FBN1: variants seen among roughly 807,000 people sequenced by gnomAD.
FBN1 encodes the protein fibrillin 1, also known as fibrillin-1.
A neutral mutation model predicts 365.1 loss-of-function variants in FBN1; 29 were observed. The ratio of observed to expected loss-of-function variants is 0.08; its 90% CI spans 0.06 to 0.11. FBN1 has a LOEUF of 0.11. FBN1 is among the 10% of genes least tolerant of loss of function. The pLI, the probability that FBN1 is intolerant of heterozygous loss-of-function variation, is 1.00. For synonymous variants in FBN1, 1,210 were observed against 1,270.5 expected, an observed-to-expected ratio of 0.95 and a Z score of 1.01; for missense variants, 2,476 against 3,703.2, an observed-to-expected ratio of 0.67 and a Z score of 8.60.
At chr15:48,562,624 C>G (rs1461674536) in intron 6 of FBN1, among the ~76,000 whole-genome samples, 1 of 152,104 alleles carries the variant, frequency 6.6e-6, no homozygotes, top group African/African-American at 2.4e-5. Context: ...ACAAAGATTG[C>G]TATTTTTTAG....
Position 48,504,016 on chromosome 15 carries a change from G to T in FBN1, c.1961-77C>A. 6 of 1,551,438 alleles carry T rather than the reference G, an allele frequency of 3.9e-6. No homozygotes were observed. In the South Asian group the frequency reaches 5.6e-5, roughly 14 times the overall value. Reference sequence around the variant, plus strand: ...ACCCCCCAAGTCAAAGTTGAAGAGGGCTTTATTTATCCATCATCCCTGGTG... The same window carrying T: ...ACCCCCCAAGTCAAAGTTGAAGAGGTCTTTATTTATCCATCATCCCTGGTG... On this transcript the variant is annotated intron_variant, in intron 16 of 65. Coordinates refer to ENST00000316623, the MANE Select transcript of FBN1 (RefSeq NM_000138.5).
chr15:48,446,994 C>T (rs904713354), intron 46 of FBN1, among the ~76,000 whole-genome samples, 172 bp from the exon 47 acceptor site: 6 of 152,232 alleles, frequency 3.9e-5, no homozygotes, highest in Middle Eastern at 3.4e-3. Context: ...TACCAGGCAG[C>T]GGCAAAGCTC....
chr15:48,439,506 T>C (rs905093260), intron 50 of FBN1, among the ~76,000 whole-genome samples: 1 of 152,238 alleles, frequency 6.6e-6, no homozygotes, highest in African/African-American at 2.4e-5. Context: ...ACATATAATG[T>C]TTTGTATTTA....
intron 2 of FBN1, among the ~76,000 whole-genome samples, chr15:48,639,458 T>C (rs1320762806): frequency 6.6e-6 from 1 of 152,244 alleles, no homozygotes; most frequent in Non-Finnish European, 1.5e-5. Flanking sequence ...CCAGGGACGC[T>C]GTCCTTCTGT....
At chr15:48,576,054 A>C (rs1398065358) in intron 6 of FBN1, among the ~76,000 whole-genome samples, 1 of 152,146 alleles carries the variant, frequency 6.6e-6, no homozygotes, top group Non-Finnish European at 1.5e-5. Flanking sequence ...GGTCTCACCT[A>C]CTTGTCTGAA....
intron 6 of FBN1, among the ~76,000 whole-genome samples, chr15:48,584,326 C>T (rs963922934): frequency 1.3e-5 from 2 of 152,088 alleles, no homozygotes; most frequent in African/African-American, 4.8e-5. Context: ...ATCCTCAGAG[C>T]GTGAGTTCGT....
chr15:48,457,119 AT>A, intron 43 of FBN1, among the ~76,000 whole-genome samples: 1 of 152,248 alleles, frequency 6.6e-6, no homozygotes, highest in South Asian at 2.1e-4. Flanking sequence ...GTGTGCCTAT[AT>A]TTAGGGAAAA....
intron 63 of FBN1, among the ~76,000 whole-genome samples, chr15:48,419,646 G>C (rs1386352568): frequency 6.6e-6 from 1 of 152,176 alleles, no homozygotes. Context: ...GTCTTGTGTA[G>C]AATCAAACTA....
intron 6 of FBN1, among the ~76,000 whole-genome samples, chr15:48,557,493 C>G (rs2044190363): frequency 6.6e-6 from 1 of 152,158 alleles, no homozygotes. Flanking sequence ...AGGATGGCGT[C>G]AAGAAAGCCA....
At chr15:48,455,284 G>C (rs542873863) in intron 44 of FBN1, among the ~76,000 whole-genome samples, 1 of 152,220 alleles carries the variant, frequency 6.6e-6, no homozygotes, top group Non-Finnish European at 1.5e-5. Context: ...ACAGTTGCAT[G>C]TGTTTAATCT....
chr15:48,534,214 T>A lies in FBN1; in HGVS notation c.737-9A>T, dbSNP rs1060501020. ...CTGGCATTCATCCACATCTGTCAGA[T>A]TACAGAAGACAGAGAGAAAAAAAAA... On this transcript the variant is annotated splice_polypyrimidine_tract_variant and intron_variant, in intron 7 of 65. Coordinates refer to ENST00000316623, the MANE Select transcript of FBN1 (RefSeq NM_000138.5). 6.2e-7 allele frequency: 1 copy of A among 1,610,120 alleles called. No individual in the cohort carries two copies. The highest frequency in any genetic ancestry group is 1.7e-5 in the Admixed American group (1 of 59,652).
Position 48,412,832 on chromosome 15 carries a change from C to T in FBN1, c.8052-89G>A, listed in dbSNP as rs183377922. ...GAGTTCTGGTGAAGCCTGTTCCTTGCAGTTGTGAGATACAGCCCTTGCTTG... is the reference window on the plus strand; with the variant it reads ...GAGTTCTGGTGAAGCCTGTTCCTTGTAGTTGTGAGATACAGCCCTTGCTTG... On this transcript the variant is annotated intron_variant, in intron 64 of 65. Coordinates refer to ENST00000316623, the MANE Select transcript of FBN1 (RefSeq NM_000138.5). 2.0e-6 allele frequency: 3 copies of T among 1,486,696 alleles called. No individual in the cohort carries two copies. In the East Asian group the frequency reaches 6.8e-5, roughly 34 times the overall value. 92.1% of individuals were successfully genotyped at this position (1,486,696 alleles called of 1,614,324 possible). A position where few individuals can be genotyped will look rare whatever the true frequency, so the allele number is the denominator to read the frequency against.
intron 6 of FBN1, among the ~76,000 whole-genome samples, chr15:48,540,070 G>A (rs1337438599): frequency 6.6e-6 from 1 of 152,014 alleles, no homozygotes; most frequent in African/African-American, 2.4e-5. Flanking sequence ...TAAAATGCAG[G>A]AACTATGTGG....
intron 32 of FBN1, among the ~76,000 whole-genome samples, chr15:48,479,766 A>T (rs990840335): frequency 1.3e-5 from 2 of 152,214 alleles, no homozygotes; most frequent in African/African-American, 2.4e-5. Context: ...TGCAAATTCA[A>T]CTACGAAAAA....
rs116988103 is a variant in FBN1, at chr15:48,551,029, A to C, written c.539-13221T>G. ...AATGACATATCTTTAAGTTAGTCTA[A>C]ATCCTTAATCTTTTGAACTATTCAT... is the stretch of plus-strand genomic sequence containing the variant. On this transcript the variant is annotated intron_variant, in intron 6 of 65. Transcript: ENST00000316623. Among the ~76,000 whole-genome samples, 38 of 152,298 alleles carry C rather than the reference A, an allele frequency of 2.5e-4. No individual in the cohort carries two copies. In the East Asian group the frequency reaches 7.0e-3, roughly 28 times the overall value.
chr15:48,637,384 C>A (rs182300135), intron 2 of FBN1, among the ~76,000 whole-genome samples: 3 of 152,268 alleles, frequency 2.0e-5, no homozygotes, highest in Admixed American at 2.0e-4. Context: ...AGTCCCTCTC[C>A]TTTCCCTAAC....
At chr15:48,499,663 A>G (rs1016933819) in intron 17 of FBN1, among the ~76,000 whole-genome samples, 3 of 152,232 alleles carry the variant, frequency 2.0e-5, no homozygotes, top group African/African-American at 7.2e-5. Context: ...AGTATAAAGA[A>G]TATGTCCCCA....
intron 6 of FBN1, among the ~76,000 whole-genome samples, chr15:48,579,555 T>C (rs1245729534): frequency 6.6e-6 from 1 of 152,204 alleles, no homozygotes; most frequent in Non-Finnish European, 1.5e-5. Flanking sequence ...TATGGACATC[T>C]GGAATAGCTC....
At position 48,410,598 on chromosome 15, in the gene FBN1, CT is replaced by C. The variant is rs2141208914; in HGVS notation, c.*391del. 1 of 221,948 alleles carries C rather than the reference CT, an allele frequency of 4.5e-6. No individual in the cohort carries two copies. The highest frequency in any genetic ancestry group is 9.0e-6 in the Non-Finnish European group (1 of 111,574). 13.7% of individuals were successfully genotyped at this position (221,948 alleles called of 1,614,324 possible). On this transcript the variant is annotated 3_prime_UTR_variant, in exon 66 of 66. Transcript: ENST00000316623. ...CAAATAGGTACCATAAATGGACAACCTAGTACTTGTATTTGGAGAAGCAAAG... is the reference window on the plus strand; with the variant it reads ...CAAATAGGTACCATAAATGGACAACCAGTACTTGTATTTGGAGAAGCAAAG...
Sources: gnomAD v4.1 joint callset for allele counts (sites outside exome capture counted in the v4.1 genomes callset) on GRCh38, gnomAD v4.1.1 for gene constraint, MANE v1.5 for transcripts, NCBI Gene and HGNC (gene_info 2026-07-23, HGNC 2026-07-21) for gene names.